Variants in CRACD observed in about 807,000 individuals in gnomAD.
CRACD encodes capping protein inhibiting regulator of actin dynamics.
Under a neutral mutation model 106.8 loss-of-function variants are expected in CRACD, and 56 were observed. The observed-to-expected ratio is 0.52, with a 90% CI of 0.42 to 0.66. The LOEUF is 0.66. Among genes scored for constraint, CRACD ranks in the 30% least tolerant of loss-of-function variants. The probability of loss-of-function intolerance (pLI) is 0.00; values close to 1 mark genes in which losing one functional copy is unlikely to be tolerated. For synonymous variants in CRACD, 754 were observed against 670.8 expected, an observed-to-expected ratio of 1.12 and a Z score of -1.92; for missense variants, 1,730 against 1,623.2, an observed-to-expected ratio of 1.07 and a Z score of -1.13.
At chr4:56,320,174 C>T (rs1745984580) in intron 8 of CRACD, among the ~76,000 whole-genome samples, 3 of 151,716 alleles carry the variant, frequency 2.0e-5, no homozygotes, top group South Asian at 2.1e-4. Flanking sequence ...TTTCATTACA[C>T]CTAGCATCTC....
intron 2 of CRACD, among the ~76,000 whole-genome samples, chr4:56,243,554 G>A (rs890909711): frequency 6.6e-6 from 1 of 152,066 alleles, no homozygotes; most frequent in African/African-American, 2.4e-5. Context: ...CTCAAATACT[G>A]CATTATAATT....
At position 56,329,590 on chromosome 4, in the gene CRACD, C is replaced by T. The variant is rs1223304780; in HGVS notation, c.*1786C>T. On this transcript the variant is annotated 3_prime_UTR_variant, in exon 11 of 11. Coordinates refer to ENST00000682029, the MANE Select transcript of CRACD (RefSeq NM_001393381.1). ...TCAGACTGTTAAAAATCAATGTAACCTTTTTTTATTGCTATGGCAAGCAAT... is the reference window on the plus strand; with the variant it reads ...TCAGACTGTTAAAAATCAATGTAACTTTTTTTTATTGCTATGGCAAGCAAT... Among the ~76,000 whole-genome samples, 3 of 152,160 alleles carry T rather than the reference C, an allele frequency of 2.0e-5. No individual in the cohort carries two copies. Among genetic ancestry groups the T allele is most frequent in the East Asian group, 3.9e-4 (2 of 5,190 alleles).
intron 2 of CRACD, among the ~76,000 whole-genome samples, chr4:56,263,958 T>C (rs1741855038): frequency 6.6e-6 from 1 of 152,074 alleles, no homozygotes. Context: ...TGAGACTGGG[T>C]AATTTATGGA....
chr4:56,263,101 T>C (rs1741805533), intron 2 of CRACD, among the ~76,000 whole-genome samples: 1 of 152,120 alleles, frequency 6.6e-6, no homozygotes, highest in African/African-American at 2.4e-5. Flanking sequence ...TTTGTGCTGT[T>C]GTAGTAGATG....
intron 1 of CRACD, among the ~76,000 whole-genome samples, chr4:56,138,745 A>G (rs1478392412): frequency 6.6e-6 from 1 of 152,208 alleles, no homozygotes; most frequent in Non-Finnish European, 1.5e-5. Context: ...ATTTGTGAAA[A>G]GGTTTTATGA....
At chr4:56,264,033 A>T (rs1301511859) in intron 2 of CRACD, among the ~76,000 whole-genome samples, 4 of 152,216 alleles carry the variant, frequency 2.6e-5, no homozygotes, top group South Asian at 2.1e-4. Flanking sequence ...GGGAGGCCTC[A>T]TGAAACTTAC....
intron 1 of CRACD, among the ~76,000 whole-genome samples, chr4:56,083,813 A>G (rs551057394): frequency 6.6e-6 from 1 of 152,122 alleles, no homozygotes; most frequent in East Asian, 1.9e-4. Flanking sequence ...CCATCTCTAC[A>G]AAAAACAGAA....
At chr4:56,265,638 A>G (rs1397867587) in intron 2 of CRACD, among the ~76,000 whole-genome samples, 2 of 152,176 alleles carry the variant, frequency 1.3e-5, no homozygotes, top group Non-Finnish European at 2.9e-5. Flanking sequence ...TCTTTTGGAG[A>G]GCAAATGCGA....
intron 1 of CRACD, among the ~76,000 whole-genome samples, chr4:56,117,322 G>A (rs1001434586): frequency 6.6e-6 from 1 of 151,996 alleles, no homozygotes; most frequent in Non-Finnish European, 1.5e-5. Flanking sequence ...TGCCCGGCCC[G>A]AATTTTTTAT....
At chr4:56,152,470 C>CA (rs1735615587) in intron 1 of CRACD, among the ~76,000 whole-genome samples, 1 of 148,542 alleles carries the variant, frequency 6.7e-6, no homozygotes, top group South Asian at 2.2e-4. Context: ...CTTGTCTCTA[C>CA]AAAAAAAGAA....
At chr4:56,250,946 A>G (rs1400051281) in intron 2 of CRACD, among the ~76,000 whole-genome samples, 1 of 152,218 alleles carries the variant, frequency 6.6e-6, no homozygotes, top group East Asian at 1.9e-4. Context: ...TCCTTGATCT[A>G]AAGATTCCTT....
intron 1 of CRACD, among the ~76,000 whole-genome samples, chr4:56,067,575 C>T (rs1299887214): frequency 6.6e-6 from 1 of 152,028 alleles, no homozygotes; most frequent in East Asian, 1.9e-4. Flanking sequence ...CAAGTTCTCT[C>T]CCCTTCATTT....
intron 1 of CRACD, among the ~76,000 whole-genome samples, chr4:56,053,515 C>CT (rs1405453709): frequency 3.3e-5 from 5 of 151,236 alleles, no homozygotes; most frequent in South Asian, 2.1e-4. Flanking sequence ...GCAAATTTCA[C>CT]TTTTTTTTTA....
intron 1 of CRACD, among the ~76,000 whole-genome samples, chr4:56,062,886 C>T (rs1732328490): frequency 6.6e-6 from 1 of 152,172 alleles, no homozygotes; most frequent in Non-Finnish European, 1.5e-5. Context: ...AGAAACACCT[C>T]CTGGGTCTTT....
intron 1 of CRACD, among the ~76,000 whole-genome samples, chr4:56,079,813 G>T (rs908711100): frequency 6.6e-6 from 1 of 152,064 alleles, no homozygotes; most frequent in African/African-American, 2.4e-5. Flanking sequence ...AATGAAAACC[G>T]TGCAGTAGCA....
intron 1 of CRACD, among the ~76,000 whole-genome samples, chr4:56,109,675 T>C (rs1417457662): frequency 6.6e-6 from 1 of 152,090 alleles, no homozygotes; most frequent in African/African-American, 2.4e-5. Context: ...TGCAAACTTT[T>C]TGTAAATTTA....
At chr4:56,292,656 C>G (rs1454315394) in intron 3 of CRACD, among the ~76,000 whole-genome samples, 1 of 152,084 alleles carries the variant, frequency 6.6e-6, no homozygotes, top group Non-Finnish European at 1.5e-5. Context: ...TCCCGAGTAG[C>G]TGGGACTACA....
chr4:56,212,587 G>A (rs1382955618), intron 2 of CRACD, among the ~76,000 whole-genome samples: 2 of 152,174 alleles, frequency 1.3e-5, no homozygotes, highest in East Asian at 3.8e-4. Flanking sequence ...GGCATAGCTG[G>A]ACAGTGGAGT....
intron 5 of CRACD, among the ~76,000 whole-genome samples, chr4:56,309,868 T>C (rs1416675578): frequency 6.6e-6 from 1 of 151,128 alleles, no homozygotes; most frequent in Non-Finnish European, 1.5e-5. Flanking sequence ...AAAATATATA[T>C]ATATAAAGTA....
Sources: allele counts gnomAD v4.1 joint callset (sites outside exome capture counted in the v4.1 genomes callset), GRCh38; gene constraint gnomAD v4.1.1; transcripts MANE v1.5; gene names NCBI Gene and HGNC (gene_info 2026-07-23, HGNC 2026-07-21).